The following TAF15 variants were observed in gnomAD, a reference collection of about 807,000 sequenced individuals.
The protein encoded by TAF15 is TATA-box binding protein associated factor 15.
A neutral mutation model predicts 102.5 loss-of-function variants in TAF15; 37 were observed. That is an observed-to-expected ratio of 0.36 (90% CI 0.28 to 0.47). The LOEUF is 0.47. Ranked by LOEUF, TAF15 falls within the 20% of genes least tolerant of loss-of-function variation. TAF15 has a pLI of 0.99. For synonymous variants in TAF15, 273 were observed against 259.2 expected (o/e 1.05, Z -0.51); for missense variants, 652 against 760.7 (o/e 0.86, Z 1.68).
chr17:35,811,678 A>T (rs2087125913), intron 1 of TAF15: 1 of 152,222 alleles, frequency 6.6e-6, no homozygotes, highest in Non-Finnish European at 1.5e-5. Flanking sequence ...ACTCCAAAAA[A>T]CCTAATAAAG....
chr17:35,814,572 A>G (rs1033587225), intron 1 of TAF15, among the ~76,000 whole-genome samples: 2 of 151,856 alleles, frequency 1.3e-5, no homozygotes, highest in Non-Finnish European at 2.9e-5. Context: ...GCCTAATAAT[A>G]TATACAGAAA....
chr17:35,817,190 G>A lies in TAF15; in HGVS notation c.8-526G>A, dbSNP rs139413896. ...AATTGGCTGAATCCCTGAAAGCTTG[G>A]TAAAATCAGAATAGAGCAACTAACT... On this transcript the variant is annotated intron_variant, in intron 1 of 15. Transcript: ENST00000605844. 22 of 151,510 alleles carry A rather than the reference G, an allele frequency of 1.5e-4. No homozygotes were observed. The East Asian group carries it at 4.2e-3, about 29-fold the overall frequency. 9.4% of individuals were successfully genotyped at this position (151,510 alleles called of 1,614,324 possible).
intron 2 of TAF15, 124 bp downstream of exon 2, chr17:35,817,879 G>A (rs558935280): frequency 2.3e-6 from 2 of 852,008 alleles, no homozygotes; most frequent in East Asian, 2.5e-5. Context: ...ACAGAGTGAA[G>A]AGAGTCAGTG....
intron 10 of TAF15, among the ~76,000 whole-genome samples, chr17:35,837,436 C>T (rs1176637959): frequency 6.6e-6 from 1 of 151,344 alleles, no homozygotes; most frequent in Non-Finnish European, 1.5e-5. Flanking sequence ...GGATTACAGG[C>T]GTGATCCACC....
chr17:35,820,219 G>T lies in TAF15; in HGVS notation c.155G>T (p.Gly52Val). The T allele has an allele frequency of 6.2e-7, 1 of 1,614,056 alleles. No individual in the cohort carries two copies. The highest frequency in any genetic ancestry group is 2.2e-5 in the East Asian group (1 of 44,868). The change falls in exon 4 of 16, where the codon GGT becomes GTT. Residue 52 changes from glycine (G) to valine (V), a missense_variant. Around this residue, in one of 3 missense-constraint regions of TAF15, gnomAD observed 243 missense variants for 284.1 expected, o/e 0.86. Coordinates refer to ENST00000605844, the MANE Select transcript of TAF15 (RefSeq NM_139215.3). ...TDSSYGQNYS[G>V]YSSYGQSQSG... Reference sequence around the variant, plus strand: ...TCCTCTTATGGACAGAACTACAGCGGTTACTCCAGTTATGGACAAAGTCAG... The same window carrying T: ...TCCTCTTATGGACAGAACTACAGCGTTTACTCCAGTTATGGACAAAGTCAG...
chr17:35,824,915 T>G (rs1241127251), intron 7 of TAF15, among the ~76,000 whole-genome samples: 1 of 143,302 alleles, frequency 7.0e-6, no homozygotes, highest in African/African-American at 2.8e-5. Flanking sequence ...TTTACTACTT[T>G]GACTGTAAAA....
rs377165735 is a variant in TAF15, at chr17:35,839,296, T to A, written c.913+743T>A. ...AACCTGTCTCCAAAAAAAAAAACCC[T>A]ATAAATAAATAAAGTAAAATTTAGG... On this transcript the variant is annotated intron_variant, in intron 11 of 15. Coordinates refer to ENST00000605844, the MANE Select transcript of TAF15 (RefSeq NM_139215.3). Among the ~76,000 whole-genome samples, 5 of 142,406 alleles carry A rather than the reference T, an allele frequency of 3.5e-5. No individual in the cohort carries two copies. In the South Asian group the frequency reaches 1.2e-3, roughly 33 times the overall value. 93.4% of individuals were successfully genotyped at this position (142,406 alleles called of 152,430 possible).
At chr17:35,821,928 C>G (rs963942877) in intron 5 of TAF15, among the ~76,000 whole-genome samples, 1 of 152,118 alleles carries the variant, frequency 6.6e-6, no homozygotes, top group African/African-American at 2.4e-5. Flanking sequence ...ACTTGTTAAA[C>G]TTCAGTGATA....
chr17:35,825,391 ATGT>A, intron 7 of TAF15, among the ~76,000 whole-genome samples: 1 of 152,222 alleles, frequency 6.6e-6, no homozygotes, highest in Non-Finnish European at 1.5e-5. Context: ...TAAATGGACT[ATGT>A]AAAGTGACAT....
intron 7 of TAF15, among the ~76,000 whole-genome samples, chr17:35,828,160 T>C (rs2143784137): frequency 6.6e-6 from 1 of 152,340 alleles, no homozygotes; most frequent in South Asian, 2.1e-4. Flanking sequence ...TTTGAGGATC[T>C]TCTCCCTCTT....
intron 7 of TAF15, among the ~76,000 whole-genome samples, chr17:35,831,722 C>G (rs4796112): frequency 9.6e-4 from 146 of 152,116 alleles, no homozygotes; most frequent in Admixed American, 1.2e-3. Flanking sequence ...TCTTTATCCT[C>G]GGAACTTTAA....
intron 1 of TAF15, among the ~76,000 whole-genome samples, chr17:35,813,344 A>G (rs1388123145): frequency 6.6e-6 from 1 of 151,942 alleles, no homozygotes; most frequent in Non-Finnish European, 1.5e-5. Flanking sequence ...AGATATGAAA[A>G]TGAAAGATTT....
chr17:35,823,739 G>A lies in TAF15; in HGVS notation c.485-339G>A, dbSNP rs573496102. On this transcript the variant is annotated intron_variant, in intron 6 of 15. Transcript: ENST00000605844. ...AAAAAAAAAAAAAAAGATTGGGGTC[G>A]TGCTTTTCATCTAAGTTACTAAGGT... The A allele has an allele frequency of 2.1e-5, 6 of 288,550 alleles. No homozygotes were observed. In the East Asian group the frequency reaches 3.5e-4, roughly 17 times the overall value. The allele number at this position is 288,550 out of a possible 1,614,324, so 17.9% of individuals were successfully genotyped here. A position where few individuals can be genotyped will look rare whatever the true frequency, so the allele number is the denominator to read the frequency against.
chr17:35,843,808 G>T (rs1321073034), intron 12 of TAF15, among the ~76,000 whole-genome samples: 1 of 152,144 alleles, frequency 6.6e-6, no homozygotes, highest in Non-Finnish European at 1.5e-5. Context: ...TGGGGGAAGG[G>T]ATACTCAACC....
At chr17:35,829,631 C>CAAAA (rs746776421) in intron 7 of TAF15, among the ~76,000 whole-genome samples, 26 of 33,088 alleles carry the variant, frequency 7.9e-4, no homozygotes, top group African/African-American at 2.1e-3. Context: ...GACTCCATCT[C>CAAAA]AAAAAAAAAA....
intron 15 of TAF15, among the ~76,000 whole-genome samples, chr17:35,846,699 A>G (rs1372876064): frequency 1.3e-5 from 2 of 152,198 alleles, no homozygotes; most frequent in Non-Finnish European, 2.9e-5. Context: ...GAGTGAAGCA[A>G]AGCTTCTTCT....
At chr17:35,825,047 GCC>G (rs2143774037) in intron 7 of TAF15, among the ~76,000 whole-genome samples, 1 of 152,226 alleles carries the variant, frequency 6.6e-6, no homozygotes, top group East Asian at 1.9e-4. Context: ...ATGGTCAGTG[GCC>G]CGTTACAGAA....
chr17:35,816,713 C>T (rs2087199310), intron 1 of TAF15: 2 of 151,694 alleles, frequency 1.3e-5, no homozygotes, highest in South Asian at 4.2e-4. Context: ...ATAAATAGAA[C>T]CTCTTCAGTA....
chr17:35,809,519 T>A lies in TAF15; in HGVS notation c.-51T>A. The A allele has an allele frequency of 1.2e-6, 2 of 1,611,500 alleles. No homozygotes were observed. The highest frequency in any genetic ancestry group is 1.7e-6 in the Non-Finnish European group (2 of 1,179,120). The stretch of plus-strand genomic sequence containing the variant: ...CGGCCGCCGCGCCGCCTGGCTTTCG[T>A]ATTCGTTGTTCTCGGCGGGCTGTGG... On this transcript the variant is annotated 5_prime_UTR_variant, in exon 1 of 16. Coordinates refer to ENST00000605844, the MANE Select transcript of TAF15 (RefSeq NM_139215.3).
Sources: allele counts gnomAD v4.1 joint callset (sites outside exome capture counted in the v4.1 genomes callset), GRCh38; gene constraint gnomAD v4.1.1; regional missense constraint gnomAD v4.1.1; transcripts MANE v1.5; gene names NCBI Gene and HGNC (gene_info 2026-07-23, HGNC 2026-07-21).